The following TPO variants were observed in gnomAD, a reference collection of about 807,000 sequenced individuals.
The protein encoded by TPO is thyroid microsomal antigen.
Under a neutral mutation model 96.9 loss-of-function variants are expected in TPO, and 78 were observed. The observed-to-expected ratio is 0.81, with a 90% CI of 0.67 to 0.97. TPO has a LOEUF of 0.97. Ranked by LOEUF, TPO falls within the 50% of genes least tolerant of loss-of-function variation. The pLI is 0.00. For synonymous variants in TPO, 547 were observed against 538.0 expected (o/e 1.02, Z -0.23); for missense variants, 1,252 against 1,274.8 (o/e 0.98, Z 0.27).
rs1670960111 is a variant in TPO, at chr2:1,484,705, A to G, written c.1448A>G (p.Asn483Ser). Residue 483 changes from asparagine to serine, a missense_variant, in exon 9 of 17, where the codon AAC (asparagine) becomes AGC (serine). Physicochemically the swap from Asn to Ser is conservative, Grantham distance 46. Coordinates refer to ENST00000329066, the MANE Select transcript of TPO (RefSeq NM_001206744.2). ...TCCACCGCCAACCCCACTGTGTCCA[A>G]CGTGTTCTCCACAGCCGCCTTCCGC... ...YDSTANPTVS[N>S]VFSTAAFRFG... 9 of 1,613,870 alleles carry G rather than the reference A, an allele frequency of 5.6e-6. No individual in the cohort carries two copies. Among genetic ancestry groups the G allele is most frequent in the South Asian group, 1.1e-5 (1 of 91,068 alleles).
chr2:1,509,191 C>A (rs80225147), intron 14 of TPO, among the ~76,000 whole-genome samples: 4,627 of 152,206 alleles, frequency 0.03, 113 homozygotes, highest in East Asian at 0.12. Flanking sequence ...TGTAGTTGAG[C>A]GGTTTTGAGT....
At chr2:1,424,046 T>C (rs4567992) in intron 3 of TPO, among the ~76,000 whole-genome samples, 37,976 of 152,158 alleles carry the variant, frequency 0.25, 4,945 homozygotes, top group Admixed American at 0.35. Flanking sequence ...TTAGAACGTT[T>C]ATTTTAACAA....
chr2:1,488,072 G>A, intron 10 of TPO, 81 bp downstream of exon 10: 1 of 1,588,874 alleles, frequency 6.3e-7, no homozygotes, highest in East Asian at 2.2e-5. Flanking sequence ...TAGAGAGACT[G>A]ATTTAGAGGA....
In TPO at chr2:1,496,773, C is replaced by G. The variant is rs183118123; in HGVS notation, c.2386+8C>G. 372 of 1,613,826 alleles carry G rather than the reference C, an allele frequency of 2.3e-4. 1 individual carries two copies. In the African/African-American group the frequency reaches 3.8e-3, roughly 17 times the overall value. ...AGCCTCCCCTCTGCAAAGGTCAGTC[C>G]TTTCTTCAATGACAATTACAAAACA... is the stretch of plus-strand genomic sequence containing the variant. On this transcript the variant is annotated splice_region_variant and intron_variant, in intron 13 of 16. Coordinates refer to ENST00000329066, the MANE Select transcript of TPO (RefSeq NM_001206744.2).
At chr2:1,419,019 G>A (rs980547026) in intron 2 of TPO, among the ~76,000 whole-genome samples, 1 of 152,172 alleles carries the variant, frequency 6.6e-6, no homozygotes, top group African/African-American at 2.4e-5. Context: ...AACATAAACA[G>A]CCTTTGGAAC....
intron 1 of TPO, among the ~76,000 whole-genome samples, chr2:1,392,917 T>A (rs2148361031): frequency 6.6e-6 from 1 of 152,264 alleles, no homozygotes; most frequent in Non-Finnish European, 1.5e-5. Context: ...ATACTTAGGA[T>A]GAAAATGAAA....
intron 1 of TPO, among the ~76,000 whole-genome samples, chr2:1,399,681 A>C (rs1380196503): frequency 6.6e-6 from 1 of 152,136 alleles, no homozygotes; most frequent in Non-Finnish European, 1.5e-5. Flanking sequence ...ATCTCTGCAG[A>C]TCTCCAGTGC....
intron 4 of TPO, among the ~76,000 whole-genome samples, 167 bp from the exon 5 acceptor site, chr2:1,436,085 A>G (rs1238242329): frequency 6.6e-6 from 1 of 152,218 alleles, no homozygotes; most frequent in Non-Finnish European, 1.5e-5. Context: ...TAAATGAGTG[A>G]GCACTTGATG....
intron 11 of TPO, among the ~76,000 whole-genome samples, chr2:1,495,640 TCAGA>T (rs1672244766): frequency 1.3e-5 from 2 of 152,250 alleles, no homozygotes; most frequent in Non-Finnish European, 2.9e-5. Flanking sequence ...GGCCGCTCGT[TCAGA>T]CAGCCAGGTG....
In TPO at chr2:1,480,884, C is replaced by T. The variant is rs62107967; in HGVS notation, c.1338+3280C>T. On this transcript the variant is annotated intron_variant, in intron 8 of 16. Transcript: ENST00000329066. Reference sequence around the variant, plus strand: ...TAATTTGTCAGGGCCCAACCACAGCCGCCCCCACTCTGAGGATCTTGGCTC... The same window carrying T: ...TAATTTGTCAGGGCCCAACCACAGCTGCCCCCACTCTGAGGATCTTGGCTC... Among the ~76,000 whole-genome samples, 915 of 149,140 alleles carry T rather than the reference C, an allele frequency of 6.1e-3. 6 individuals are homozygous for T. Among genetic ancestry groups the T allele is most frequent in the African/African-American group, 9.1e-3 (371 of 40,700 alleles).
At position 1,513,171 on chromosome 2, in the gene TPO, A is replaced by T. The variant is rs547262995; in HGVS notation, c.2519-3712A>T. Among the ~76,000 whole-genome samples the T allele has an allele frequency of 4.5e-4, 69 of 152,236 alleles. 2 individuals are homozygous for T. Among genetic ancestry groups the T allele is most frequent in the Admixed American group, 1.4e-3 (22 of 15,282 alleles). On this transcript the variant is annotated intron_variant, in intron 14 of 16. Transcript: ENST00000329066. ...TGGAACACCCAAAAGGGTGATGGAC[A>T]TGGCTGTCCCTCAGTTTTCAGAATG...
chr2:1,422,397 C>CAGGTGCCGCGCTGGA (rs1467468825), intron 2 of TPO, among the ~76,000 whole-genome samples: 2 of 54,866 alleles, frequency 3.6e-5, no homozygotes, highest in Admixed American at 2.3e-4. Flanking sequence ...CCGCGCTGGG[C>CAGGTGCCGCGCTGGA]CATGGGGAGA....
intron 6 of TPO, among the ~76,000 whole-genome samples, 196 bp from the exon 7 acceptor site, chr2:1,455,880 G>A (rs1368170219): frequency 2.0e-5 from 3 of 152,142 alleles, no homozygotes; most frequent in African/African-American, 7.2e-5. Flanking sequence ...ACAAATCAAG[G>A]CAGGGATTCA....
chr2:1,503,644 T>C (rs1673096904), intron 13 of TPO: 2 of 524,554 alleles, frequency 3.8e-6, no homozygotes, highest in Admixed American at 2.4e-5. Context: ...CTTGGCCAAA[T>C]TCCACATTCC....
chr2:1,408,971 C>A (rs1412317911), upstream of TPO, among the ~76,000 whole-genome samples: 1 of 152,160 alleles, frequency 6.6e-6, no homozygotes, highest in Non-Finnish European at 1.5e-5. Context: ...ATAAGTCACC[C>A]CCGATGGCAT....
intron 8 of TPO, among the ~76,000 whole-genome samples, chr2:1,480,432 C>T (rs759521129): frequency 9.2e-5 from 14 of 151,966 alleles, no homozygotes; most frequent in South Asian, 2.1e-4. Context: ...TCTACCGACT[C>T]GTAGTTTGGT....
chr2:1,392,317 C>T (rs1662013847), intron 1 of TPO, among the ~76,000 whole-genome samples: 1 of 152,144 alleles, frequency 6.6e-6, no homozygotes, highest in African/African-American at 2.4e-5. Flanking sequence ...CATTGATTTG[C>T]ATATGTTGAA....
intron 5 of TPO, among the ~76,000 whole-genome samples, chr2:1,448,682 C>T (rs1667047054): frequency 6.6e-6 from 1 of 152,272 alleles, no homozygotes; most frequent in Non-Finnish European, 1.5e-5. Flanking sequence ...GAGCAGTGGT[C>T]GGAGGCTCCT....
intron 15 of TPO, among the ~76,000 whole-genome samples, chr2:1,533,758 T>C (rs1573625945): frequency 4.8e-5 from 1 of 20,768 alleles, no homozygotes; most frequent in African/African-American, 1.9e-4. Flanking sequence ...CTCAAATTCC[T>C]CCCCCACTCT....
Sources: gnomAD v4.1 joint callset for allele counts (sites outside exome capture counted in the v4.1 genomes callset) on GRCh38, gnomAD v4.1.1 for gene constraint, MANE v1.5 for transcripts, NCBI Gene and HGNC (gene_info 2026-07-23, HGNC 2026-07-21) for gene names.